Variants in NUP188 observed in about 807,000 individuals in gnomAD.
NUP188 encodes nucleoporin 188.
A neutral mutation model predicts 223.0 loss-of-function variants in NUP188; 97 were observed. That is an observed-to-expected ratio of 0.43 (90% CI 0.37 to 0.51). The LOEUF is 0.51. Ranked by LOEUF, NUP188 falls within the 20% of genes least tolerant of loss-of-function variation. The probability of loss-of-function intolerance (pLI) is 0.00; values close to 1 mark genes in which losing one functional copy is unlikely to be tolerated. For missense variants in NUP188, 1,947 were observed against 2,175.6 expected (o/e 0.89, Z 2.09); for synonymous variants, 869 against 828.0 (o/e 1.05, Z -0.85).
chr9:128,951,306 CAAAA>C (rs34863865), intron 2 of NUP188, among the ~76,000 whole-genome samples: 2 of 86,242 alleles, frequency 2.3e-5, no homozygotes, highest in Admixed American at 2.5e-4. Flanking sequence ...GACTCCATCT[CAAAA>C]AAAAAAAAAA....
chr9:128,986,034 C>T (rs1216072951), intron 20 of NUP188, among the ~76,000 whole-genome samples: 3 of 151,850 alleles, frequency 2.0e-5, no homozygotes, highest in African/African-American at 7.3e-5. Context: ...AGTGAAACTC[C>T]ATCTTGGGGG....
intron 11 of NUP188, among the ~76,000 whole-genome samples, chr9:128,971,805 T>C (rs1443884764): frequency 6.6e-6 from 1 of 151,802 alleles, no homozygotes; most frequent in African/African-American, 2.4e-5. Flanking sequence ...AGACTGAGTC[T>C]TGCTCTATTG....
intron 8 of NUP188, among the ~76,000 whole-genome samples, chr9:128,964,538 T>A (rs1043886324): frequency 1.6e-5 from 1 of 63,664 alleles, no homozygotes; most frequent in Non-Finnish European, 4.0e-5. Flanking sequence ...ATTTTTGTAT[T>A]TTTTTTTTTT....
chr9:128,998,856 C>CTTTT (rs570377284), intron 32 of NUP188, among the ~76,000 whole-genome samples: 4 of 125,806 alleles, frequency 3.2e-5, no homozygotes, highest in South Asian at 2.6e-4. Context: ...ACCCCGTATT[C>CTTTT]TTTTTTTTTT....
chr9:129,002,731 G>T, intron 36 of NUP188, 86 bp from the exon 37 acceptor site: 1 of 1,413,402 alleles, frequency 7.1e-7, no homozygotes, highest in South Asian at 1.4e-5. Flanking sequence ...TCCTTTCAGC[G>T]CAGCTGGGCT....
intron 39 of NUP188, 40 bp downstream of exon 39, chr9:129,005,261 C>G: frequency 6.2e-7 from 1 of 1,612,454 alleles, no homozygotes; most frequent in Non-Finnish European, 8.5e-7. Context: ...ATACCTCACG[C>G]TAGCTTCCCA....
chr9:128,956,277 A>G (rs1841869992), intron 3 of NUP188, 73 bp from the exon 4 acceptor site: 1 of 898,874 alleles, frequency 1.1e-6, no homozygotes, highest in Non-Finnish European at 1.6e-6. Context: ...TAGGAAAAAT[A>G]TTTTAAAATA....
At chr9:129,003,015 G>A (rs939837071) in intron 37 of NUP188, 40 bp downstream of exon 37, 3 of 1,605,202 alleles carry the variant, frequency 1.9e-6, no homozygotes, top group African/African-American at 2.7e-5. Flanking sequence ...GAGTTTCAGG[G>A]TAAAAAAGGT....
chr9:129,003,039 TG>T, intron 37 of NUP188, 64 bp downstream of exon 37: 1 of 1,555,470 alleles, frequency 6.4e-7, no homozygotes. Flanking sequence ...GGGCCATTCA[TG>T]GGGCAGGTGG....
intron 3 of NUP188, among the ~76,000 whole-genome samples, chr9:128,954,964 T>G (rs1289285207): frequency 1.3e-5 from 2 of 150,964 alleles, no homozygotes; most frequent in African/African-American, 2.4e-5. Flanking sequence ...AGCAATTCTG[T>G]CTCAGCCTCC....
intron 38 of NUP188, 42 bp from the exon 39 acceptor site, chr9:129,005,105 G>C: frequency 6.6e-7 from 1 of 1,525,440 alleles, no homozygotes; most frequent in Non-Finnish European, 9.1e-7. Flanking sequence ...TGACTGGGCT[G>C]CTGACAAGAG....
At chr9:128,986,535 C>T in intron 20 of NUP188, 23 bp from the exon 21 acceptor site, 1 of 1,607,572 alleles carries the variant, frequency 6.2e-7, no homozygotes, top group East Asian at 2.2e-5. Flanking sequence ...GTGCGGAAGT[C>T]CTCACTGCAT....
intron 5 of NUP188, among the ~76,000 whole-genome samples, chr9:128,957,560 G>A (rs575221951): frequency 4.6e-5 from 7 of 152,116 alleles, no homozygotes; most frequent in African/African-American, 1.7e-4. Context: ...TGTCTCCCGG[G>A]TTCACGCCAT....
chr9:128,987,814 G>A, intron 23 of NUP188, 97 bp downstream of exon 23: 1 of 1,481,454 alleles, frequency 6.8e-7, no homozygotes, highest in South Asian at 1.3e-5. Flanking sequence ...GCTTTTAGAA[G>A]ACGACATTGT....
At chr9:128,974,389 GTTTTTTT>G (rs778841218) in intron 12 of NUP188, among the ~76,000 whole-genome samples, 2 of 113,352 alleles carry the variant, frequency 1.8e-5, no homozygotes, top group Non-Finnish European at 3.6e-5. Context: ...GCAGGTTGTT[GTTTTTTT>G]TTTTTTTTTT....
At chr9:128,957,751 A>T (rs891185381) in intron 5 of NUP188, among the ~76,000 whole-genome samples, 1 of 152,142 alleles carries the variant, frequency 6.6e-6, no homozygotes, top group Non-Finnish European at 1.5e-5. Flanking sequence ...GGCGTGAGCC[A>T]CCGCACCCGG....
chr9:128,956,394 C>T lies in NUP188; in HGVS notation c.206C>T (p.Ser69Leu). ...GTGAAAGCTAATAAAGATGTAGCTT[C>T]ACCATTGAAGGAACTGGGTTTAAGA... ...EKVKANKDVA[S>L]PLKELGLRIS... Residue 69 changes from serine to leucine, a missense_variant, in exon 4 of 44, where the codon TCA becomes TTA. Physicochemically the swap from Ser to Leu is moderately radical, Grantham distance 145 (BLOSUM62 -2). This residue lies in a region of NUP188 where 817 missense variants were observed against 865.8 expected (regional missense o/e 0.94). Transcript: ENST00000372577. 1 of 1,581,040 alleles carries T rather than the reference C, an allele frequency of 6.3e-7. No homozygotes were observed. The highest frequency in any genetic ancestry group is 8.6e-7 in the Non-Finnish European group (1 of 1,167,214).
chr9:128,990,254 T>A, intron 25 of NUP188, 28 bp downstream of exon 25: 3 of 1,537,010 alleles, frequency 2.0e-6, no homozygotes, highest in South Asian at 1.1e-5. Context: ...GCACACACAC[T>A]GTTTATATGA....
Position 128,987,744 on chromosome 9 carries a change from T to G in NUP188, c.2393+27T>G, listed in dbSNP as rs753378824. ...TAGGGCTCCTTCTCCACGTTCCCTT[T>G]GTCTGTCTTTATTGTGCCTGCATGT... On this transcript the variant is annotated intron_variant, in intron 23 of 43. Coordinates refer to ENST00000372577, the MANE Select transcript of NUP188 (RefSeq NM_015354.3). 1.5e-5 allele frequency: 24 copies of G among 1,607,150 alleles called. No individual in the cohort carries two copies. The South Asian group carries it at 2.7e-4, about 18-fold the overall frequency.
Sources: allele counts gnomAD v4.1 joint callset (sites outside exome capture counted in the v4.1 genomes callset), GRCh38; gene constraint gnomAD v4.1.1; regional missense constraint gnomAD v4.1.1; transcripts MANE v1.5; gene names NCBI Gene and HGNC (gene_info 2026-07-23, HGNC 2026-07-21).